Variants in TCF15 observed in about 807,000 individuals in gnomAD.
TCF15 encodes transcription factor 15.
TCF15 carries 7 observed loss-of-function variants against 11.1 expected under a neutral mutation model. The observed-to-expected ratio is 0.63, with a 90% CI of 0.36 to 1.19. TCF15 has a LOEUF of 1.19. Among genes scored for constraint, TCF15 ranks in the 50% most tolerant of loss-of-function variants. The pLI is 0.02. For missense variants in TCF15, 288 were observed against 289.4 expected (o/e 1.00, Z 0.03); for synonymous variants, 144 against 138.9 (o/e 1.04, Z -0.26).
Position 604,602 on chromosome 20 carries a change from G to T in TCF15, c.589C>A (p.Pro197Thr). 6.4e-7 allele frequency: 1 copy of T among 1,552,998 alleles called. No individual in the cohort carries two copies. The highest frequency in any genetic ancestry group is 2.4e-5 in the East Asian group (1 of 40,976). Reference sequence around the variant, plus strand: ...TCCAGGGTCCAGGCTCATCTCCGTGGCCCTCGAAGGGGGGCCACCCCCCTC... The same window carrying T: ...TCCAGGGTCCAGGCTCATCTCCGTGTCCCTCGAAGGGGGGCCACCCCCCTC... ...KVRGVAPLRG[P>T]RR Residue 197 changes from proline to threonine, a missense_variant, in exon 2 of 2, where the codon CCA (proline) becomes ACA (threonine). Physicochemically the swap from Pro to Thr is conservative, Grantham distance 38 (BLOSUM62 -1). Coordinates refer to ENST00000246080, the MANE Select transcript of TCF15 (RefSeq NM_004609.4). The surrounding 1 kb of genome is among the most constrained non-coding windows in gnomAD (Gnocchi z 4.2).
chr20:605,305 G>C (rs1355647385), intron 1 of TCF15, among the ~76,000 whole-genome samples: 1 of 152,220 alleles, frequency 6.6e-6, no homozygotes, highest in East Asian at 1.9e-4. Flanking sequence ...CTGCCTGACT[G>C]CATGCCTAGC....
In TCF15 at chr20:610,193, G is replaced by C; in HGVS notation, c.45C>G (p.Tyr15Ter). 2 of 1,042,980 alleles carry C rather than the reference G, an allele frequency of 1.9e-6. No individual in the cohort carries two copies. Among genetic ancestry groups the C allele is most frequent in the Non-Finnish European group, 2.3e-6 (2 of 862,998 alleles). 64.6% of individuals were successfully genotyped at this position (1,042,980 alleles called of 1,614,324 possible). A position where few individuals can be genotyped will look rare whatever the true frequency, so the allele number is the denominator to read the frequency against. The change falls in exon 1 of 2, where the codon TAC becomes TAG. Residue 15 changes from tyrosine (Y) to a stop codon, truncating the protein, a stop_gained. Transcript: ENST00000246080. LOFTEE classifies it high-confidence loss of function. The part of the protein sequence containing the change: ...LLRPVGAHVL[Y>*]PDVRLLSEDE... Reference sequence around the variant, plus strand: ...CCTCGCTCAGCAGCCGCACGTCCGGGTACAGCACGTGCGCGCCGACGGGCC... The same window carrying C: ...CCTCGCTCAGCAGCCGCACGTCCGGCTACAGCACGTGCGCGCCGACGGGCC...
At chr20:608,299 C>T (rs1238475356) in intron 1 of TCF15, among the ~76,000 whole-genome samples, 1 of 152,220 alleles carries the variant, frequency 6.6e-6, no homozygotes, top group African/African-American at 2.4e-5. Context: ...CAACCTGCTT[C>T]TCTGGGGTTC....
At position 604,437 on chromosome 20, in the gene TCF15, G is replaced by T; in HGVS notation, c.*154C>A. Reference sequence around the variant, plus strand: ...TGGATCCTCACAGCTCTCCAGGATCGGGTGGAGATGTCCCGAGGGCCCTGC... The same window carrying T: ...TGGATCCTCACAGCTCTCCAGGATCTGGTGGAGATGTCCCGAGGGCCCTGC... On this transcript the variant is annotated 3_prime_UTR_variant, in exon 2 of 2. Transcript: ENST00000246080. This position sits in a 1 kb window ranked among gnomAD's most constrained non-coding sequence, Gnocchi z 4.2. 4 of 699,894 alleles carry T rather than the reference G, an allele frequency of 5.7e-6. No homozygotes were observed. Among genetic ancestry groups the T allele is most frequent in the Non-Finnish European group, 1.0e-5 (4 of 394,232 alleles). 43.4% of individuals were successfully genotyped at this position (699,894 alleles called of 1,614,324 possible). A position where few individuals can be genotyped will look rare whatever the true frequency, so the allele number is the denominator to read the frequency against.
intron 1 of TCF15, among the ~76,000 whole-genome samples, chr20:606,528 C>T (rs2019975968): frequency 6.6e-6 from 1 of 152,144 alleles, no homozygotes. Flanking sequence ...TAGAAGAGGT[C>T]TTGACGGCCG....
chr20:609,667 G>C lies in TCF15; in HGVS notation c.525+46C>G. 7.5e-7 allele frequency: 1 copy of C among 1,328,636 alleles called. No homozygotes were observed. Among genetic ancestry groups the C allele is most frequent in the Non-Finnish European group, 9.5e-7 (1 of 1,047,370 alleles). The allele number at this position is 1,328,636 out of a possible 1,614,324, so 82.3% of individuals were successfully genotyped here. A position where few individuals can be genotyped will look rare whatever the true frequency, so the allele number is the denominator to read the frequency against. ...GGTTCCCGCAGAGGCGCTGCCCCCC[G>C]CCTACCCCGACCTGGCGGCCGCAGC... On this transcript the variant is annotated intron_variant, in intron 1 of 1. Transcript: ENST00000246080. The surrounding 1 kb of genome is among the most constrained non-coding windows in gnomAD (Gnocchi z 4.7).
rs2020014998 is a variant in TCF15, at chr20:610,283, G to GCGCCC, written c.-51_-47dup. On this transcript the variant is annotated 5_prime_UTR_variant, in exon 1 of 2. Coordinates refer to ENST00000246080, the MANE Select transcript of TCF15 (RefSeq NM_004609.4). ...CGTGCGCCGCGTCCCAGCGTCGGCCGCGCCCCGCCGTGCGCTCCCGCGCGC... is the reference window on the plus strand; with the variant it reads ...CGTGCGCCGCGTCCCAGCGTCGGCCGCGCCCCGCCCCGCCGTGCGCTCCCGCGCGC... 1 of 987,636 alleles carries GCGCCC rather than the reference G, an allele frequency of 1.0e-6. No homozygotes were observed. Among genetic ancestry groups the GCGCCC allele is most frequent in the Non-Finnish European group, 1.2e-6 (1 of 832,116 alleles). The allele number at this position is 987,636 out of a possible 1,614,324, so 61.2% of individuals were successfully genotyped here.
In TCF15 at chr20:607,279, G is replaced by A. The variant is rs190345369; in HGVS notation, c.525+2434C>T. On this transcript the variant is annotated intron_variant, in intron 1 of 1. Coordinates refer to ENST00000246080, the MANE Select transcript of TCF15 (RefSeq NM_004609.4). Reference sequence around the variant, plus strand: ...CAAGAACCCCCTTTCCACCTCCCACGTGCTAATTCTACCACAGAGGGCCAC... The same window carrying A: ...CAAGAACCCCCTTTCCACCTCCCACATGCTAATTCTACCACAGAGGGCCAC... Among the ~76,000 whole-genome samples the A allele has an allele frequency of 5.3e-5, 8 of 152,258 alleles. No individual in the cohort carries two copies. The East Asian group carries it at 5.8e-4, about 11-fold the overall frequency.
In TCF15 at chr20:609,951, C is replaced by A; in HGVS notation, c.287G>T (p.Arg96Leu). The change falls in exon 1 of 2, where the codon CGC becomes CTC. Residue 96 changes from arginine (R) to leucine (L), a missense_variant. Coordinates refer to ENST00000246080, the MANE Select transcript of TCF15 (RefSeq NM_004609.4). The surrounding 1 kb of genome is among the most constrained non-coding windows in gnomAD (Gnocchi z 4.7). The part of the protein sequence containing the change: ...QSVNTAFTAL[R>L]TLIPTEPVDR... ...CACCGGCTCGGTGGGGATGAGCGTGCGCAGCGCCGTGAAGGCCGTGTTCAC... is the reference window on the plus strand; with the variant it reads ...CACCGGCTCGGTGGGGATGAGCGTGAGCAGCGCCGTGAAGGCCGTGTTCAC... 6.7e-7 allele frequency: 1 copy of A among 1,491,688 alleles called. No homozygotes were observed. The highest frequency in any genetic ancestry group is 8.9e-7 in the Non-Finnish European group (1 of 1,128,408). 92.4% of individuals were successfully genotyped at this position (1,491,688 alleles called of 1,614,324 possible).
rs112825755 is a variant in TCF15 at position 609,385 on chromosome 20, A to C, written c.525+328T>G. Among the ~76,000 whole-genome samples, 9 of 152,336 alleles carry C rather than the reference A, an allele frequency of 5.9e-5. No individual in the cohort carries two copies. The highest frequency in any genetic ancestry group is 2.2e-4 in the African/African-American group (9 of 41,590). On this transcript the variant is annotated intron_variant, in intron 1 of 1. Coordinates refer to ENST00000246080, the MANE Select transcript of TCF15 (RefSeq NM_004609.4). This position sits in a 1 kb window ranked among gnomAD's most constrained non-coding sequence, Gnocchi z 4.7. ...ATGTGGAGCGCATCGGCACAGAGGA[A>C]GACTCCATAAAAGATGGGTCTTTGT...
chr20:605,452 A>G (rs897445566), intron 1 of TCF15, among the ~76,000 whole-genome samples: 3 of 152,198 alleles, frequency 2.0e-5, no homozygotes, highest in South Asian at 2.1e-4. Flanking sequence ...ATTGCCTAGC[A>G]CTTCCTGCCT....
chr20:605,972 C>A (rs555497223), intron 1 of TCF15, among the ~76,000 whole-genome samples: 2 of 152,344 alleles, frequency 1.3e-5, no homozygotes, highest in Admixed American at 1.3e-4. Flanking sequence ...TCACCCTGAG[C>A]CTGGCTAGAT....
At chr20:607,926 C>G (rs2019990359) in intron 1 of TCF15, among the ~76,000 whole-genome samples, 1 of 152,216 alleles carries the variant, frequency 6.6e-6, no homozygotes, top group African/African-American at 2.4e-5. Context: ...TAGCACAGAT[C>G]AGTGCTCATG....
chr20:605,466 T>TG (rs1310847274), intron 1 of TCF15, among the ~76,000 whole-genome samples: 2 of 152,232 alleles, frequency 1.3e-5, no homozygotes, highest in African/African-American at 4.8e-5. Flanking sequence ...CCTGCCTTTC[T>TG]GGGGACATTC....
At chr20:608,235 C>T (rs2122241431) in intron 1 of TCF15, among the ~76,000 whole-genome samples, 1 of 152,314 alleles carries the variant, frequency 6.6e-6, no homozygotes, top group South Asian at 2.1e-4. Context: ...ATCTCCCTGC[C>T]CTGACCCTGG....
chr20:604,616 G>A lies in TCF15; in HGVS notation c.575C>T (p.Ala192Val). 3 of 1,553,652 alleles carry A rather than the reference G, an allele frequency of 1.9e-6. No homozygotes were observed. The highest frequency in any genetic ancestry group is 1.7e-4 in the Middle Eastern group (1 of 5,996). The change falls in exon 2 of 2, where the codon GCC becomes GTC. Residue 192 changes from alanine (A) to valine (V), a missense_variant. Coordinates refer to ENST00000246080, the MANE Select transcript of TCF15 (RefSeq NM_004609.4). The surrounding 1 kb of genome is among the most constrained non-coding windows in gnomAD (Gnocchi z 4.2). ...GGSCLKVRGV[A>V]PLRGPRR The stretch of plus-strand genomic sequence containing the variant: ...TCATCTCCGTGGCCCTCGAAGGGGG[G>A]CCACCCCCCTCACCTTCAAGCAGCT...
chr20:608,930 C>A (rs1018126652), intron 1 of TCF15, among the ~76,000 whole-genome samples: 1 of 152,174 alleles, frequency 6.6e-6, no homozygotes, highest in East Asian at 1.9e-4. Flanking sequence ...TGCCACACAG[C>A]CCCCGCCCAC....
intron 1 of TCF15, among the ~76,000 whole-genome samples, chr20:606,873 C>T (rs2019980315): frequency 1.3e-5 from 2 of 149,956 alleles, no homozygotes; most frequent in African/African-American, 4.9e-5. Flanking sequence ...CCCTTAGGAA[C>T]TCAGCACCAA....
At position 604,321 on chromosome 20, in the gene TCF15, G is replaced by C; in HGVS notation, c.*270C>G. The C allele has an allele frequency of 1.8e-6, 1 of 552,868 alleles. No individual in the cohort carries two copies. Among genetic ancestry groups the C allele is most frequent in the South Asian group, 2.0e-5 (1 of 49,088 alleles). 34.2% of individuals were successfully genotyped at this position (552,868 alleles called of 1,614,324 possible). On this transcript the variant is annotated 3_prime_UTR_variant, in exon 2 of 2. Transcript: ENST00000246080. The surrounding 1 kb of genome is among the most constrained non-coding windows in gnomAD (Gnocchi z 4.2). Reference sequence around the variant, plus strand: ...CTCTCTCACACACACTCACACTCACGCACAGATACACACACACCCTGTCAC... The same window carrying C: ...CTCTCTCACACACACTCACACTCACCCACAGATACACACACACCCTGTCAC...
Sources: gnomAD v4.1 joint callset for allele counts (sites outside exome capture counted in the v4.1 genomes callset) on GRCh38, gnomAD v4.1.1 for gene constraint, Gnocchi (gnomAD v3.1) non-coding constraint, MANE v1.5 for transcripts, NCBI Gene and HGNC (gene_info 2026-07-23, HGNC 2026-07-21) for gene names.